Variants in CPXM2 observed in about 807,000 individuals in gnomAD.
The protein encoded by CPXM2 is inactive carboxypeptidase-like protein X2.
In CPXM2, 66 loss-of-function variants were observed where a neutral mutation model predicts 86.1. That is an observed-to-expected ratio of 0.77 (90% CI 0.63 to 0.94). CPXM2 has a LOEUF of 0.94. CPXM2 is among the 40% of genes least tolerant of loss of function. The probability of loss-of-function intolerance (pLI) is 0.00; values close to 1 mark genes in which losing one functional copy is unlikely to be tolerated. For missense variants in CPXM2, 948 were observed against 1,026.3 expected, an observed-to-expected ratio of 0.92 and a Z score of 1.04; for synonymous variants, 388 against 400.2, an observed-to-expected ratio of 0.97 and a Z score of 0.36.
At chr10:123,852,851 A>C (rs1367642293) in intron 3 of CPXM2, among the ~76,000 whole-genome samples, 2 of 152,058 alleles carry the variant, frequency 1.3e-5, no homozygotes, top group African/African-American at 4.8e-5. Flanking sequence ...TGCCCCCATG[A>C]CTACCACTGC....
At chr10:123,883,981 A>G (rs1489849278) in intron 1 of CPXM2, among the ~76,000 whole-genome samples, 6 of 152,202 alleles carry the variant, frequency 3.9e-5, no homozygotes, top group African/African-American at 2.4e-5. Flanking sequence ...TGAATTGCCA[A>G]TGTGGGCCAC....
intron 1 of CPXM2, chr10:123,940,048 A>G (rs949954025): frequency 2.6e-5 from 4 of 152,414 alleles, no homozygotes; most frequent in Non-Finnish European, 5.9e-5. Context: ...GACATCCCTC[A>G]GTCCCAGAAC....
upstream of CPXM2, among the ~76,000 whole-genome samples, chr10:123,896,422 A>G (rs1488697166): frequency 2.6e-5 from 4 of 152,210 alleles, no homozygotes; most frequent in Non-Finnish European, 5.9e-5. Context: ...CTCGTTCATT[A>G]CTGTGTTGAG....
intron 2 of CPXM2, among the ~76,000 whole-genome samples, chr10:123,864,729 C>T (rs1848940364): frequency 6.6e-6 from 1 of 152,174 alleles, no homozygotes; most frequent in Non-Finnish European, 1.5e-5. Context: ...CATGTACCAG[C>T]TCAATAAAGC....
intron 2 of CPXM2, among the ~76,000 whole-genome samples, chr10:123,867,293 C>T (rs569067671): frequency 1.3e-5 from 2 of 152,122 alleles, no homozygotes; most frequent in Middle Eastern, 6.8e-3. Context: ...ACAGGAATCT[C>T]CACATTTAGA....
intron 4 of CPXM2, among the ~76,000 whole-genome samples, chr10:123,829,025 A>C (rs553205653): frequency 6.6e-6 from 1 of 152,238 alleles, no homozygotes; most frequent in South Asian, 2.1e-4. Flanking sequence ...CTCAAGAGTG[A>C]AAACGTAAAC....
intron 4 of CPXM2, among the ~76,000 whole-genome samples, chr10:123,816,862 A>G (rs1410130094): frequency 6.6e-6 from 1 of 152,232 alleles, no homozygotes; most frequent in Non-Finnish European, 1.5e-5. Context: ...TTGATCCATT[A>G]CATTGATGAC....
intron 3 of CPXM2, among the ~76,000 whole-genome samples, chr10:123,852,843 C>T (rs531405564): frequency 5.0e-4 from 76 of 152,306 alleles, no homozygotes; most frequent in African/African-American, 1.7e-3. Context: ...CCAGAGTCTG[C>T]CCCCATGACT....
chr10:123,821,787 C>A (rs2134113601), intron 4 of CPXM2, among the ~76,000 whole-genome samples: 1 of 152,286 alleles, frequency 6.6e-6, no homozygotes, highest in South Asian at 2.1e-4. Context: ...GACAGACTCT[C>A]ATAGCAAAGA....
intron 7 of CPXM2, among the ~76,000 whole-genome samples, chr10:123,773,208 C>G (rs61863760): frequency 0.043 from 6,274 of 145,200 alleles, 145 homozygotes; most frequent in Middle Eastern, 0.072. Flanking sequence ...TCATTGTGGT[C>G]ATCAGCTCCC....
At chr10:123,856,846 C>T in intron 3 of CPXM2, among the ~76,000 whole-genome samples, 1 of 152,220 alleles carries the variant, frequency 6.6e-6, no homozygotes, top group East Asian at 1.9e-4. Flanking sequence ...CCCGCCTCGG[C>T]CTCCCAAAGT....
chr10:123,811,972 A>G (rs1408374877), intron 4 of CPXM2, among the ~76,000 whole-genome samples: 2 of 152,238 alleles, frequency 1.3e-5, no homozygotes, highest in South Asian at 4.1e-4. Flanking sequence ...TAAAAACCTT[A>G]AAGAAGACTA....
chr10:123,843,878 G>A (rs1449211926), intron 3 of CPXM2, among the ~76,000 whole-genome samples: 1 of 152,182 alleles, frequency 6.6e-6, no homozygotes, highest in Admixed American at 6.5e-5. Flanking sequence ...ATAGAATCAT[G>A]GAAACTGGAA....
At chr10:123,890,975 G>A (rs1291964111) in intron 1 of CPXM2, among the ~76,000 whole-genome samples, 1 of 152,210 alleles carries the variant, frequency 6.6e-6, no homozygotes, top group African/African-American at 2.4e-5. Context: ...TCCCCAAAGC[G>A]GAAATTCAGC....
intron 10 of CPXM2, among the ~76,000 whole-genome samples, chr10:123,766,391 G>C (rs1846472537): frequency 6.6e-6 from 1 of 152,200 alleles, no homozygotes; most frequent in South Asian, 2.1e-4. Context: ...ATCAACAAAG[G>C]TAGAACTCTT....
intron 2 of CPXM2, among the ~76,000 whole-genome samples, chr10:123,879,719 C>A (rs1441149057): frequency 2.6e-5 from 4 of 152,076 alleles, no homozygotes; most frequent in African/African-American, 9.7e-5. Flanking sequence ...AAAATAATAC[C>A]TTTGAACATT....
chr10:123,816,597 G>T (rs1353948166), intron 4 of CPXM2, among the ~76,000 whole-genome samples: 1 of 152,224 alleles, frequency 6.6e-6, no homozygotes, highest in East Asian at 1.9e-4. Context: ...AATTGCAGCT[G>T]CTGTACCAGA....
chr10:123,813,421 C>G (rs1255477562), intron 4 of CPXM2, among the ~76,000 whole-genome samples: 1 of 152,192 alleles, frequency 6.6e-6, no homozygotes, highest in Non-Finnish European at 1.5e-5. Context: ...TGGTCTTCAT[C>G]ATGCTTCTCT....
rs190937034 is a variant in CPXM2, at chr10:123,871,184, A to G, written c.404-8461T>C. Among the ~76,000 whole-genome samples, 724 of 152,236 alleles carry G rather than the reference A, an allele frequency of 4.8e-3. 2 individuals are homozygous for G. Among genetic ancestry groups the G allele is most frequent in the African/African-American group, 0.016 (666 of 41,548 alleles). On this transcript the variant is annotated intron_variant, in intron 2 of 13. Transcript: ENST00000241305. ...TTCCTCCCCTGCACTCAACCCTCCC[A>G]GCCTACCCACTCCTACCTTTAGCCT...
Sources: gnomAD v4.1 joint callset for allele counts (sites outside exome capture counted in the v4.1 genomes callset) on GRCh38, gnomAD v4.1.1 for gene constraint, MANE v1.5 for transcripts, NCBI Gene and HGNC (gene_info 2026-07-23, HGNC 2026-07-21) for gene names.